CENPE: variants seen among roughly 807,000 people sequenced by gnomAD.
The protein encoded by CENPE is centromere protein E, also known as centromere-associated protein E.
Under a neutral mutation model 336.1 loss-of-function variants are expected in CENPE, and 145 were observed. The observed-to-expected ratio is 0.43, with a 90% CI of 0.38 to 0.50. The LOEUF is 0.50. Among genes scored for constraint, CENPE ranks in the 20% least tolerant of loss-of-function variants. CENPE has a pLI of 0.00. For synonymous variants in CENPE, 1,013 were observed against 984.8 expected (o/e 1.03, Z -0.54); for missense variants, 2,719 against 3,023.3 (o/e 0.90, Z 2.36).
At chr4:103,185,891 G>A in intron 8 of CENPE, 30 bp from the exon 9 acceptor site, 1 of 1,476,680 alleles carries the variant, frequency 6.8e-7, no homozygotes, top group Non-Finnish European at 9.4e-7. Context: ...AAATCCTTAG[G>A]GCAGATAATT....
At chr4:103,183,910 C>T (rs1443022961) in intron 9 of CENPE, among the ~76,000 whole-genome samples, 1 of 152,120 alleles carries the variant, frequency 6.6e-6, no homozygotes, top group Admixed American at 6.5e-5. Flanking sequence ...CTTTTTCTCA[C>T]TTGGCAACAT....
At chr4:103,169,888 G>A (rs1156850866) in intron 16 of CENPE, among the ~76,000 whole-genome samples, 2 of 152,156 alleles carry the variant, frequency 1.3e-5, no homozygotes, top group Admixed American at 1.3e-4. Flanking sequence ...CAACCCAAAT[G>A]CCCCTCAATG....
intron 42 of CENPE, among the ~76,000 whole-genome samples, chr4:103,127,576 C>T (rs1250780882): frequency 2.0e-5 from 3 of 152,060 alleles, no homozygotes; most frequent in Non-Finnish European, 4.4e-5. Flanking sequence ...CTTAACTGAG[C>T]TAACTTATGT....
chr4:103,135,556 C>A (rs1751994649), intron 40 of CENPE, among the ~76,000 whole-genome samples: 1 of 152,050 alleles, frequency 6.6e-6, no homozygotes, highest in Non-Finnish European at 1.5e-5. Flanking sequence ...TCCTCTCCAG[C>A]CCTGTGAAAC....
chr4:103,114,323 C>A, intron 46 of CENPE, 132 bp downstream of exon 46: 1 of 567,116 alleles, frequency 1.8e-6, no homozygotes, highest in Admixed American at 3.1e-5. Flanking sequence ...CCAATAAATT[C>A]ATTTAAAAAT....
Position 103,120,219 on chromosome 4 carries a change from T to C in CENPE, c.7258A>G (p.Lys2420Glu). The C allele has an allele frequency of 6.2e-7, 1 of 1,612,850 alleles. No homozygotes were observed. Among genetic ancestry groups the C allele is most frequent in the Non-Finnish European group, 8.5e-7 (1 of 1,179,444 alleles). ...GATTCATGAACTTTGGCTTGAAGTT[T>C]TGCTATTATGTCATTAGTCACCTCA... ...ELEVTNDIIA[K>E]LQAKVHESNK... The change falls in exon 44 of 49, where the codon AAA (lysine) becomes GAA (glutamate). Residue 2420 changes from lysine to glutamate, a missense_variant. Physicochemically the swap from Lys to Glu is moderately conservative, Grantham distance 56 (BLOSUM62 1). Around this residue, in one of 5 missense-constraint regions of CENPE, gnomAD observed 2,437 missense variants for 2,513.3 expected, o/e 0.97. Transcript: ENST00000265148.
chr4:103,113,631 T>C (rs1185413764), intron 46 of CENPE, among the ~76,000 whole-genome samples: 1 of 145,136 alleles, frequency 6.9e-6, no homozygotes, highest in Non-Finnish European at 1.5e-5. Flanking sequence ...GATATATTAC[T>C]TATATATTAT....
chr4:103,192,767 G>A (rs1757464337), intron 8 of CENPE, among the ~76,000 whole-genome samples: 1 of 150,790 alleles, frequency 6.6e-6, no homozygotes, highest in East Asian at 1.9e-4. Flanking sequence ...AGATAATGAT[G>A]GGACACAATT....
At position 103,116,677 on chromosome 4, in the gene CENPE, A is replaced by C; in HGVS notation, c.7342T>G (p.Leu2448Val). ...TCTTCTTTATATGGCTTAGCTCCTA[A>C]AGCAACTTTGTCCTAAATTTTTTTT... is the stretch of plus-strand genomic sequence containing the variant. ...TIQVLQDKVA[L>V]GAKPYKEEIE... The change falls in exon 45 of 49, where the codon TTA becomes GTA. Residue 2448 changes from leucine (L) to valine (V), a missense_variant. Coordinates refer to ENST00000265148, the MANE Select transcript of CENPE (RefSeq NM_001813.3). 1.3e-6 allele frequency: 2 copies of C among 1,565,860 alleles called. No homozygotes were observed. Among genetic ancestry groups the C allele is most frequent in the Non-Finnish European group, 1.7e-6 (2 of 1,159,580 alleles).
At position 103,116,664 on chromosome 4, in the gene CENPE, G is replaced by A. The variant is rs139511383; in HGVS notation, c.7355C>T (p.Pro2452Leu). 2.0e-5 allele frequency: 31 copies of A among 1,581,804 alleles called. No homozygotes were observed. The African/African-American group carries it at 4.1e-4, about 21-fold the overall frequency. Residue 2452 changes from proline (P) to leucine (L), a missense_variant, in exon 45 of 49, where the codon CCA becomes CTA. Physicochemically the swap from Pro to Leu is moderately conservative, Grantham distance 98. Around this residue, in one of 5 missense-constraint regions of CENPE, gnomAD observed 2,437 missense variants for 2,513.3 expected, o/e 0.97. Coordinates refer to ENST00000265148, the MANE Select transcript of CENPE (RefSeq NM_001813.3). ...LQDKVALGAK[P>L]YKEEIEDLKM... ...GAGATCTTCAATTTCTTCTTTATAT[G>A]GCTTAGCTCCTAAAGCAACTTTGTC...
At chr4:103,111,410 C>T (rs1357749366) in intron 46 of CENPE, among the ~76,000 whole-genome samples, 1 of 151,074 alleles carries the variant, frequency 6.6e-6, no homozygotes, top group Admixed American at 6.6e-5. Flanking sequence ...GGAGGGCCAC[C>T]CCGTCATTCA....
chr4:103,113,740 A>G (rs1406219076), intron 46 of CENPE, among the ~76,000 whole-genome samples: 1 of 148,466 alleles, frequency 6.7e-6, no homozygotes, highest in Admixed American at 6.8e-5. Context: ...TATAATAAGT[A>G]TATATATAAG....
intron 8 of CENPE, among the ~76,000 whole-genome samples, chr4:103,191,626 C>T (rs1757340618): frequency 2.3e-5 from 3 of 131,756 alleles, no homozygotes; most frequent in South Asian, 2.4e-4. Context: ...GGAAGGGGAA[C>T]ATCACACACC....
chr4:103,131,675 C>T (rs1378584737), intron 42 of CENPE, among the ~76,000 whole-genome samples: 1 of 152,116 alleles, frequency 6.6e-6, no homozygotes, highest in Non-Finnish European at 1.5e-5. Flanking sequence ...CAGCTGAATT[C>T]ATAATTGCCA....
chr4:103,107,315 T>A (rs1748982346), intron 48 of CENPE, among the ~76,000 whole-genome samples: 1 of 152,202 alleles, frequency 6.6e-6, no homozygotes, highest in Non-Finnish European at 1.5e-5. Flanking sequence ...CCTACCTATC[T>A]CCCTAAGAAC....
intron 14 of CENPE, among the ~76,000 whole-genome samples, chr4:103,176,277 T>G (rs569852925): frequency 2.0e-5 from 3 of 152,146 alleles, no homozygotes; most frequent in Admixed American, 2.0e-4. Context: ...ACAGGATCCT[T>G]AATGAAATAT....
At chr4:103,155,844 A>G (rs966160337) in intron 24 of CENPE, among the ~76,000 whole-genome samples, 1 of 152,220 alleles carries the variant, frequency 6.6e-6, no homozygotes, top group Non-Finnish European at 1.5e-5. Context: ...ATTTATATCA[A>G]TTGGATCTTA....
chr4:103,120,285 T>C lies in CENPE; in HGVS notation c.7192A>G (p.Met2398Val), dbSNP rs1274989545. ...TTTATAATCTTGCTTTCCTTATGCA[T>C]AGCACTTTCTTTAGCTTCATGCAGT... ...NSLHEAKESA[M>V]HKESKIIKMQ... The change falls in exon 44 of 49, where the codon ATG (methionine) becomes GTG (valine). Residue 2398 changes from methionine (M) to valine (V), a missense_variant. Coordinates refer to ENST00000265148, the MANE Select transcript of CENPE (RefSeq NM_001813.3). 5 of 1,611,038 alleles carry C rather than the reference T, an allele frequency of 3.1e-6. No homozygotes were observed. Among genetic ancestry groups the C allele is most frequent in the Non-Finnish European group, 4.2e-6 (5 of 1,179,262 alleles).
At position 103,122,924 on chromosome 4, in the gene CENPE, G is replaced by T; in HGVS notation, c.7090C>A (p.Gln2364Lys). ...ASGAQVNPTT[Q>K]DNKNPHVTSR... ...GTAACATGAGGATTCTTATTGTCTT[G>T]TGTGGTAGGATTAACCTGGGCACCA... The change falls in exon 43 of 49, where the codon CAA (glutamine) becomes AAA (lysine). Residue 2364 changes from glutamine to lysine, a missense_variant. This residue lies in a region of CENPE where 2,437 missense variants were observed against 2,513.3 expected (regional missense o/e 0.97). Transcript: ENST00000265148. The T allele has an allele frequency of 1.2e-6, 2 of 1,613,874 alleles. No homozygotes were observed. The highest frequency in any genetic ancestry group is 1.7e-6 in the Non-Finnish European group (2 of 1,179,782).
Sources: allele counts gnomAD v4.1 joint callset (sites outside exome capture counted in the v4.1 genomes callset), GRCh38; gene constraint gnomAD v4.1.1; regional missense constraint gnomAD v4.1.1; transcripts MANE v1.5; gene names NCBI Gene and HGNC (gene_info 2026-07-23, HGNC 2026-07-21).